Variants in LIPC observed in about 807,000 individuals in gnomAD.
LIPC encodes lipase C, hepatic type.
In LIPC, 44 loss-of-function variants were observed where a neutral mutation model predicts 50.7. The ratio of observed to expected loss-of-function variants is 0.87; its 90% confidence interval spans 0.68 to 1.11. The LOEUF (loss-of-function observed/expected upper bound fraction) is 1.11. LIPC is among the 50% of genes most tolerant of loss of function. The pLI is 0.00. For missense variants in LIPC, 697 were observed against 648.2 expected (o/e 1.08, Z -0.82); for synonymous variants, 271 against 256.4 (o/e 1.06, Z -0.54).
chr15:58,566,250 G>A (rs1247276235), intron 8 of LIPC: 7 of 985,430 alleles, frequency 7.1e-6, no homozygotes, highest in Non-Finnish European at 8.4e-6. Context: ...GGGCTGTGCT[G>A]CAACATGCTT....
chr15:58,545,719 C>T (rs780165647), intron 4 of LIPC, 23 bp from the exon 5 acceptor site: 2 of 1,606,480 alleles, frequency 1.2e-6, no homozygotes, highest in Non-Finnish European at 1.7e-6. Flanking sequence ...CCTGCGTAAC[C>T]CTTACCCCTG....
At chr15:58,490,404 T>TA (rs1432507476) in intron 1 of LIPC, among the ~76,000 whole-genome samples, 1 of 152,204 alleles carries the variant, frequency 6.6e-6, no homozygotes, top group Admixed American at 6.5e-5. Context: ...ACATATTTCT[T>TA]ACAGGGCTCT....
At chr15:58,469,003 T>G (rs1894678937) in intron 1 of LIPC, among the ~76,000 whole-genome samples, 1 of 152,286 alleles carries the variant, frequency 6.6e-6, no homozygotes, top group East Asian at 1.9e-4. Flanking sequence ...GCTATCCCAC[T>G]TGATCTGAAA....
intron 1 of LIPC, among the ~76,000 whole-genome samples, chr15:58,498,390 C>A (rs911704321): frequency 6.6e-5 from 10 of 152,126 alleles, no homozygotes; most frequent in Non-Finnish European, 1.5e-4. Flanking sequence ...TCACTTTGAG[C>A]CCCTGCGTTA....
At chr15:58,488,365 G>A (rs946681146) in intron 1 of LIPC, among the ~76,000 whole-genome samples, 2 of 152,196 alleles carry the variant, frequency 1.3e-5, no homozygotes, top group African/African-American at 2.4e-5. Flanking sequence ...ACTACATGGA[G>A]GCACATGCCT....
chr15:58,542,044 T>A, intron 3 of LIPC, 77 bp downstream of exon 3: 1 of 1,472,698 alleles, frequency 6.8e-7, no homozygotes, highest in East Asian at 2.5e-5. Context: ...ATTAAGCTGG[T>A]CTCCAACAGC....
At position 58,502,502 on chromosome 15, in the gene LIPC, A is replaced by G. The variant is rs576203083; in HGVS notation, c.89-35831A>G. ...CAAATTTTGCATTGAATTCCATGTA[A>G]TTTTCTCTTTTTTTTTTTTTGTTTG... On this transcript the variant is annotated intron_variant, in intron 1 of 8. Transcript: ENST00000299022. Among the ~76,000 whole-genome samples, 6 of 93,952 alleles carry G rather than the reference A, an allele frequency of 6.4e-5. No individual in the cohort carries two copies. The East Asian group carries it at 2.0e-3, about 32-fold the overall frequency. The allele number at this position is 93,952 out of a possible 152,430, so 61.6% of individuals were successfully genotyped here.
intron 1 of LIPC, among the ~76,000 whole-genome samples, chr15:58,447,571 AC>A (rs1893744684): frequency 6.6e-6 from 1 of 152,242 alleles, no homozygotes; most frequent in African/African-American, 2.4e-5. Flanking sequence ...TGCATGTGTC[AC>A]TTCACCACAA....
chr15:58,533,171 A>T, intron 1 of LIPC: 1 of 985,332 alleles, frequency 1.0e-6, no homozygotes, highest in Non-Finnish European at 1.2e-6. Context: ...ACATGAGAAA[A>T]GCTCCAGTTT....
intron 1 of LIPC, among the ~76,000 whole-genome samples, chr15:58,466,616 T>C (rs1894574010): frequency 6.6e-6 from 1 of 152,228 alleles, no homozygotes; most frequent in Non-Finnish European, 1.5e-5. Context: ...TCTTCTCTGG[T>C]TTATACACTC....
chr15:58,493,020 C>T (rs547880539), intron 1 of LIPC, among the ~76,000 whole-genome samples: 1 of 152,224 alleles, frequency 6.6e-6, no homozygotes, highest in South Asian at 2.1e-4. Context: ...GGTGCTCTTC[C>T]ATTCTCCCAG....
chr15:58,480,397 C>G (rs901563493), intron 1 of LIPC, among the ~76,000 whole-genome samples: 3 of 152,160 alleles, frequency 2.0e-5, no homozygotes, highest in African/African-American at 7.2e-5. Context: ...TGGGTTCAAG[C>G]GATTCTCCTG....
chr15:58,460,997 G>GATGGT (rs2140707461), intron 1 of LIPC, among the ~76,000 whole-genome samples: 1 of 152,264 alleles, frequency 6.6e-6, no homozygotes, highest in South Asian at 2.1e-4. Context: ...TGGTCCACAG[G>GATGGT]ATGGTTACAG....
At chr15:58,452,691 A>T (rs1350686671) in intron 1 of LIPC, among the ~76,000 whole-genome samples, 1 of 114,614 alleles carries the variant, frequency 8.7e-6, no homozygotes, top group East Asian at 2.7e-4. Context: ...CTGCTCTTTC[A>T]CTCCTCTTTT....
intron 1 of LIPC, among the ~76,000 whole-genome samples, chr15:58,467,192 A>C (rs1206608052): frequency 6.6e-6 from 1 of 152,184 alleles, no homozygotes; most frequent in Non-Finnish European, 1.5e-5. Context: ...CAACTCACAG[A>C]GGGTGGTTAG....
chr15:58,500,762 C>G (rs1244523712), intron 1 of LIPC, among the ~76,000 whole-genome samples: 1 of 147,770 alleles, frequency 6.8e-6, no homozygotes, highest in Non-Finnish European at 1.5e-5. Context: ...CCCCCACCAC[C>G]CCCCTTCTCA....
At chr15:58,447,384 C>T (rs781013247) in intron 1 of LIPC, among the ~76,000 whole-genome samples, 1 of 152,062 alleles carries the variant, frequency 6.6e-6, no homozygotes, top group Non-Finnish European at 1.5e-5. Flanking sequence ...GAGCTGCCCT[C>T]CAGACCACAA....
chr15:58,547,348 G>A (rs1368697852), intron 5 of LIPC, among the ~76,000 whole-genome samples: 9 of 152,154 alleles, frequency 5.9e-5, no homozygotes, highest in Admixed American at 3.9e-4. Flanking sequence ...TTTTCTCGTC[G>A]AAAACAGCGG....
At chr15:58,466,808 T>A (rs550082634) in intron 1 of LIPC, among the ~76,000 whole-genome samples, 19 of 152,334 alleles carry the variant, frequency 1.2e-4, no homozygotes, top group African/African-American at 4.3e-4. Flanking sequence ...TTCCTTCTTC[T>A]CTTTGCAGGT....
Sources: allele counts gnomAD v4.1 joint callset (sites outside exome capture counted in the v4.1 genomes callset), GRCh38; gene constraint gnomAD v4.1.1; transcripts MANE v1.5; gene names NCBI Gene and HGNC (gene_info 2026-07-23, HGNC 2026-07-21).